CMC2: variants seen among roughly 807,000 people sequenced by gnomAD.
CMC2 encodes C-X9-C motif containing 2, also known as COX assembly mitochondrial protein 2 homolog.
A neutral mutation model predicts 7.5 loss-of-function variants in CMC2; 5 were observed. That is an observed-to-expected ratio of 0.66 (90% CI 0.35 to 1.40). The LOEUF (loss-of-function observed/expected upper bound fraction) is 1.40, where lower values mean the gene tolerates loss of function less well. Ranked by LOEUF, CMC2 falls within the 40% of genes most tolerant of loss-of-function variation. The pLI is 0.04. For synonymous variants in CMC2, 37 were observed against 31.4 expected (o/e 1.18, Z -0.60); for missense variants, 115 against 92.3 (o/e 1.25, Z -1.01).
At chr16:80,981,318 C>T (rs556617568) in intron 3 of CMC2, among the ~76,000 whole-genome samples, 1 of 152,280 alleles carries the variant, frequency 6.6e-6, no homozygotes, top group East Asian at 1.9e-4. Context: ...AAATCAAGTT[C>T]AGGAGATGAC....
Position 80,997,300 on chromosome 16 carries a change from T to TTA in CMC2, c.81+13_81+14insTA. On this transcript the variant is annotated intron_variant, in intron 2 of 3. Coordinates refer to ENST00000219400, the MANE Select transcript of CMC2 (RefSeq NM_020188.5). Reference sequence around the variant, plus strand: ...TTTCATTTTGGCTGTACAGTCGTTTTTCTGAACTCTTACATTTTTGTGACA... The same window carrying TTA: ...TTTCATTTTGGCTGTACAGTCGTTTTTATCTGAACTCTTACATTTTTGTGACA... The TTA allele has an allele frequency of 7.2e-7, 1 of 1,382,700 alleles. No individual in the cohort carries two copies. Among genetic ancestry groups the TTA allele is most frequent in the African/African-American group, 1.4e-5 (1 of 70,382 alleles). The allele number at this position is 1,382,700 out of a possible 1,614,324, so 85.7% of individuals were successfully genotyped here.
chr16:80,994,026 G>A (rs184532999), intron 2 of CMC2, among the ~76,000 whole-genome samples: 5 of 152,248 alleles, frequency 3.3e-5, no homozygotes, highest in African/African-American at 1.2e-4. Context: ...AGACTAGAGA[G>A]CCCAGAAATA....
At position 80,972,905 on chromosome 16, in the gene CMC2, C is replaced by T. The variant is rs1182010425; in HGVS notation, c.*3188G>A. On this transcript the variant is annotated 3_prime_UTR_variant, in exon 4 of 4. Transcript: ENST00000219400. ...ATCTTATTCCATGGTATCACCTGCACCCAGCACAATGCCAGAAGCTTCATA... is the reference window on the plus strand; with the variant it reads ...ATCTTATTCCATGGTATCACCTGCATCCAGCACAATGCCAGAAGCTTCATA... The T allele has an allele frequency of 6.6e-6, 1 of 152,360 alleles. No homozygotes were observed. Among genetic ancestry groups the T allele is most frequent in the Non-Finnish European group, 1.5e-5 (1 of 68,132 alleles). 9.4% of individuals were successfully genotyped at this position (152,360 alleles called of 1,614,324 possible). A position where few individuals can be genotyped will look rare whatever the true frequency, so the allele number is the denominator to read the frequency against.
chr16:80,995,944 A>G (rs1469123), intron 2 of CMC2, among the ~76,000 whole-genome samples: 98,934 of 151,788 alleles, frequency 0.65, 34,001 homozygotes, highest in Middle Eastern at 0.8. Context: ...TAATTTTTTA[A>G]AATCCATCTT....
At chr16:80,998,702 G>T (rs1968619776) in intron 1 of CMC2, 1 of 152,124 alleles carries the variant, frequency 6.6e-6, no homozygotes, top group South Asian at 2.1e-4. Context: ...TAAAATGGAA[G>T]GAAATTCTGG....
chr16:80,983,543 T>G (rs1967290589), intron 2 of CMC2: 1 of 152,216 alleles, frequency 6.6e-6, no homozygotes, highest in East Asian at 1.9e-4. Flanking sequence ...CAGGGAGTGG[T>G]GTCAAGCTGC....
chr16:80,985,137 G>A (rs906697283), intron 2 of CMC2, among the ~76,000 whole-genome samples: 8 of 152,216 alleles, frequency 5.3e-5, no homozygotes, highest in Non-Finnish European at 8.8e-5. Flanking sequence ...GAGGGAAAGA[G>A]GCAAATAAGA....
intron 2 of CMC2, among the ~76,000 whole-genome samples, chr16:80,992,463 G>A (rs899190215): frequency 4.6e-5 from 7 of 152,140 alleles, no homozygotes; most frequent in Admixed American, 1.3e-4. Flanking sequence ...ATAACAATTT[G>A]CAGTCCCATC....
chr16:80,978,230 T>C (rs1198437678), intron 3 of CMC2: 1 of 1,039,402 alleles, frequency 9.6e-7, no homozygotes, highest in African/African-American at 1.7e-5. Flanking sequence ...GAGAAAAAGC[T>C]TTCATATCTA....
In CMC2 at chr16:80,969,505, C is replaced by T. The variant is rs2151602223; in HGVS notation, c.*6588G>A. On this transcript the variant is annotated 3_prime_UTR_variant, in exon 4 of 4. Coordinates refer to ENST00000219400, the MANE Select transcript of CMC2 (RefSeq NM_020188.5). ...GCATTAATGAACTCTCAAAACTGATCCCGTAGGGTTCCCTCCCAGGACAAG... is the reference window on the plus strand; with the variant it reads ...GCATTAATGAACTCTCAAAACTGATTCCGTAGGGTTCCCTCCCAGGACAAG... 1 of 152,362 alleles carries T rather than the reference C, an allele frequency of 6.6e-6. No individual in the cohort carries two copies. The highest frequency in any genetic ancestry group is 1.9e-4 in the East Asian group (1 of 5,182). 9.4% of individuals were successfully genotyped at this position (152,362 alleles called of 1,614,324 possible). A position where few individuals can be genotyped will look rare whatever the true frequency, so the allele number is the denominator to read the frequency against.
rs1342576986 is a variant in CMC2 at position 80,973,344 on chromosome 16, C to T, written c.*2749G>A. The stretch of plus-strand genomic sequence containing the variant: ...TAGTGATTTGGTGCCTTCTACCAAA[C>T]TACGGAGGAAGTGTTTCCAATACCC... On this transcript the variant is annotated 3_prime_UTR_variant, in exon 4 of 4. Coordinates refer to ENST00000219400, the MANE Select transcript of CMC2 (RefSeq NM_020188.5). The T allele has an allele frequency of 6.6e-6, 1 of 152,156 alleles. No homozygotes were observed. Among genetic ancestry groups the T allele is most frequent in the Non-Finnish European group, 1.5e-5 (1 of 68,044 alleles). 9.4% of individuals were successfully genotyped at this position (152,156 alleles called of 1,614,324 possible).
chr16:80,977,080 C>T (rs1159273638), intron 3 of CMC2, among the ~76,000 whole-genome samples: 1 of 152,208 alleles, frequency 6.6e-6, no homozygotes, highest in Admixed American at 6.5e-5. Context: ...GAGTAACTAG[C>T]TCTTAGCAAC....
chr16:80,976,999 A>G (rs958511027), intron 3 of CMC2, among the ~76,000 whole-genome samples: 7 of 151,898 alleles, frequency 4.6e-5, no homozygotes, highest in African/African-American at 1.7e-4. Flanking sequence ...TCCAGTCACA[A>G]TGACAGACAT....
rs1286417970 is a variant in CMC2 at position 80,997,011 on chromosome 16, T to C, written c.81+303A>G. On this transcript the variant is annotated intron_variant, in intron 2 of 3. Transcript: ENST00000219400. ...GAAGTGTCAGCGCTGAATATAACTG[T>C]TCTAGTGCCCTATAATTAGGAAAGA... The C allele has an allele frequency of 1.7e-5, 8 of 484,144 alleles. No individual in the cohort carries two copies. The East Asian group carries it at 3.9e-4, about 23-fold the overall frequency. 30.0% of individuals were successfully genotyped at this position (484,144 alleles called of 1,614,324 possible). A position where few individuals can be genotyped will look rare whatever the true frequency, so the allele number is the denominator to read the frequency against.
chr16:80,987,578 G>A (rs998168859), intron 2 of CMC2, among the ~76,000 whole-genome samples: 1 of 152,100 alleles, frequency 6.6e-6, no homozygotes, highest in African/African-American at 2.4e-5. Flanking sequence ...ACAAATTTAG[G>A]CAAAATAGGC....
At chr16:80,993,685 G>A (rs1968188201) in intron 2 of CMC2, among the ~76,000 whole-genome samples, 1 of 89,798 alleles carries the variant, frequency 1.1e-5, no homozygotes, top group African/African-American at 2.9e-5. Flanking sequence ...TAGTAATTGG[G>A]CTAAGCTAAC....
At chr16:80,977,027 C>T (rs1318787916) in intron 3 of CMC2, among the ~76,000 whole-genome samples, 3 of 152,042 alleles carry the variant, frequency 2.0e-5, no homozygotes. Flanking sequence ...AGTGGGCCTA[C>T]ATCTTAGACC....
chr16:80,985,818 G>A (rs1021467735), intron 2 of CMC2, among the ~76,000 whole-genome samples: 3 of 150,272 alleles, frequency 2.0e-5, no homozygotes, highest in Admixed American at 1.3e-4. Flanking sequence ...CAAACAGTAA[G>A]TGGAGCCAGG....
At chr16:80,982,439 G>A (rs1023572828) in intron 2 of CMC2, 1 of 149,606 alleles carries the variant, frequency 6.7e-6, no homozygotes, top group Non-Finnish European at 1.5e-5. Flanking sequence ...AACCCAGGAG[G>A]CGGAGGATGT....
Sources: allele counts gnomAD v4.1 joint callset (sites outside exome capture counted in the v4.1 genomes callset), GRCh38; gene constraint gnomAD v4.1.1; transcripts MANE v1.5; gene names NCBI Gene and HGNC (gene_info 2026-07-23, HGNC 2026-07-21).